PARD3: variants seen among roughly 807,000 people sequenced by gnomAD.
PARD3 encodes the protein partitioning defective 3 homolog.
PARD3 carries 75 observed loss-of-function variants against 155.4 expected under a neutral mutation model. That is an observed-to-expected ratio of 0.48 (90% CI 0.40 to 0.58). The LOEUF (loss-of-function observed/expected upper bound fraction) is 0.58. PARD3 is among the 20% of genes least tolerant of loss of function. The pLI is 0.00. For synonymous variants in PARD3, 576 were observed against 610.5 expected (o/e 0.94, Z 0.83); for missense variants, 1,642 against 1,721.7 (o/e 0.95, Z 0.82).
At chr10:34,661,954 G>C (rs970233474) in intron 2 of PARD3, among the ~76,000 whole-genome samples, 1 of 152,198 alleles carries the variant, frequency 6.6e-6, no homozygotes, top group East Asian at 1.9e-4. Flanking sequence ...CCACTGGAAA[G>C]AAGGTCCTGC....
intron 2 of PARD3, among the ~76,000 whole-genome samples, chr10:34,606,218 G>A (rs1250546517): frequency 1.5e-5 from 2 of 136,138 alleles, no homozygotes; most frequent in Non-Finnish European, 3.1e-5. Flanking sequence ...GTGTAGTTCT[G>A]TCCCTTTAAT....
chr10:34,805,464 T>C (rs988886641), intron 1 of PARD3, among the ~76,000 whole-genome samples: 1 of 151,738 alleles, frequency 6.6e-6, no homozygotes, highest in African/African-American at 2.4e-5. Flanking sequence ...TGGGAGAATG[T>C]TGACTTGACT....
chr10:34,212,411 A>G lies in PARD3; in HGVS notation c.3419+57246T>C, dbSNP rs1320990091. Among the ~76,000 whole-genome samples, 3 of 152,280 alleles carry G rather than the reference A, an allele frequency of 2.0e-5. No individual in the cohort carries two copies. In the East Asian group the frequency reaches 5.8e-4, roughly 29 times the overall value. On this transcript the variant is annotated intron_variant, in intron 22 of 24. Coordinates refer to ENST00000374788, the MANE Select transcript of PARD3 (RefSeq NM_001184785.2). The stretch of plus-strand genomic sequence containing the variant: ...CCGACCCCTGACAGCAATGTCTGCT[A>G]GCTCAAATTGGTATTGTTATTTTGT...
At chr10:34,201,299 C>T (rs751677743) in intron 22 of PARD3, among the ~76,000 whole-genome samples, 7 of 152,168 alleles carry the variant, frequency 4.6e-5, no homozygotes, top group Admixed American at 1.3e-4. Context: ...TACTTCTGTT[C>T]GTTGCTGCTT....
At chr10:34,640,734 A>AAAAAAAAAAAAAC (rs2092650936) in intron 2 of PARD3, among the ~76,000 whole-genome samples, 1 of 145,172 alleles carries the variant, frequency 6.9e-6, no homozygotes, top group African/African-American at 2.6e-5. Flanking sequence ...AAAAAAAAAA[A>AAAAAAAAAAAAAC]AAGCACTTTT....
intron 24 of PARD3, among the ~76,000 whole-genome samples, chr10:34,119,038 G>T (rs1946836007): frequency 6.6e-6 from 1 of 152,150 alleles, no homozygotes; most frequent in Non-Finnish European, 1.5e-5. Flanking sequence ...CTCCCCTGGG[G>T]AGCAGGCAAG....
chr10:34,692,861 G>A (rs1219526616), intron 2 of PARD3, among the ~76,000 whole-genome samples: 5 of 152,142 alleles, frequency 3.3e-5, no homozygotes, highest in African/African-American at 4.8e-5. Context: ...ACAAAAGAGC[G>A]AGACTCCATC....
At chr10:34,800,309 GATA>G (rs1842732958) in intron 1 of PARD3, among the ~76,000 whole-genome samples, 1 of 151,994 alleles carries the variant, frequency 6.6e-6, no homozygotes, top group Non-Finnish European at 1.5e-5. Context: ...CATTACTCTT[GATA>G]ATAATGTTAA....
At chr10:34,191,053 T>A (rs1235111603) in intron 22 of PARD3, among the ~76,000 whole-genome samples, 1 of 151,832 alleles carries the variant, frequency 6.6e-6, no homozygotes, top group Non-Finnish European at 1.5e-5. Context: ...TCAGGAAATG[T>A]TATGTGAGAT....
chr10:34,439,887 C>A (rs886255413), intron 5 of PARD3, among the ~76,000 whole-genome samples: 6 of 152,180 alleles, frequency 3.9e-5, no homozygotes, highest in Admixed American at 1.3e-4. Flanking sequence ...AAAAGATAAT[C>A]CACAATCTCC....
intron 1 of PARD3, among the ~76,000 whole-genome samples, chr10:34,803,018 G>A (rs1054390416): frequency 7.0e-6 from 1 of 143,612 alleles, no homozygotes; most frequent in African/African-American, 2.6e-5. Flanking sequence ...TTGAGGTCAG[G>A]AATTCAAGAC....
At chr10:34,766,746 A>T (rs972445544) in intron 1 of PARD3, among the ~76,000 whole-genome samples, 3 of 152,050 alleles carry the variant, frequency 2.0e-5, no homozygotes, top group African/African-American at 7.2e-5. Context: ...GGACTCCCTG[A>T]CTCAAAAGGA....
chr10:34,610,162 G>C (rs1290875978), intron 2 of PARD3, among the ~76,000 whole-genome samples: 1 of 152,078 alleles, frequency 6.6e-6, no homozygotes, highest in Non-Finnish European at 1.5e-5. Flanking sequence ...GCAACGACTG[G>C]AAGTAATATT....
At chr10:34,666,796 A>AAAAAAAAAAAAAAAAAT (rs1358640964) in intron 2 of PARD3, among the ~76,000 whole-genome samples, 3 of 66,930 alleles carry the variant, frequency 4.5e-5, no homozygotes, top group Non-Finnish European at 8.5e-5. Flanking sequence ...AAAAAAAAAA[A>AAAAAAAAAAAAAAAAAT]ATATATATAT....
chr10:34,307,474 C>A (rs1017180583), intron 20 of PARD3, among the ~76,000 whole-genome samples: 1 of 152,162 alleles, frequency 6.6e-6, no homozygotes, highest in Non-Finnish European at 1.5e-5. Context: ...TGTTAAGCTG[C>A]ACATTCTAAT....
At chr10:34,244,719 C>T (rs1953831954) in intron 22 of PARD3, among the ~76,000 whole-genome samples, 1 of 152,174 alleles carries the variant, frequency 6.6e-6, no homozygotes, top group African/African-American at 2.4e-5. Flanking sequence ...GCTGAGTTCA[C>T]ATGCTATATA....
chr10:34,362,512 T>A lies in PARD3; in HGVS notation c.1708-2253A>T, dbSNP rs1460046176. Among the ~76,000 whole-genome samples the A allele has an allele frequency of 3.3e-5, 5 of 152,330 alleles. No individual in the cohort carries two copies. In the East Asian group the frequency reaches 9.6e-4, roughly 29 times the overall value. On this transcript the variant is annotated intron_variant, in intron 12 of 24. Transcript: ENST00000374788. ...AACAAGTGTTTTTGTTGTTTGTTTT[T>A]TTGAGACAGTCTCACTCTGTCACCC... is the stretch of plus-strand genomic sequence containing the variant.
At chr10:34,594,314 T>TAAATTTAATTTAATG (rs1308785057) in intron 2 of PARD3, among the ~76,000 whole-genome samples, 2 of 152,218 alleles carry the variant, frequency 1.3e-5, no homozygotes, top group African/African-American at 2.4e-5. Flanking sequence ...TAATGACTAT[T>TAAATTTAATTTAATG]ACTTTTAAAC....
chr10:34,240,222 A>G (rs1293330640), intron 22 of PARD3, among the ~76,000 whole-genome samples: 12 of 152,254 alleles, frequency 7.9e-5, no homozygotes, highest in Non-Finnish European at 1.6e-4. Context: ...AAGAGAATAC[A>G]GCGTGGTCTG....
Sources: gnomAD v4.1 joint callset for allele counts (sites outside exome capture counted in the v4.1 genomes callset) on GRCh38, gnomAD v4.1.1 for gene constraint, MANE v1.5 for transcripts, NCBI Gene and HGNC (gene_info 2026-07-23, HGNC 2026-07-21) for gene names.